Variants in FAM13A observed in about 807,000 individuals in gnomAD.
FAM13A encodes the protein family with sequence similarity 13 member A.
In FAM13A, 76 loss-of-function variants were observed where a neutral mutation model predicts 129.6. The observed-to-expected ratio is 0.59, with a 90% CI of 0.49 to 0.71. FAM13A has a LOEUF of 0.71. FAM13A is among the 30% of genes least tolerant of loss of function. The pLI is 0.00. For missense variants in FAM13A, 1,108 were observed against 1,249.3 expected (o/e 0.89, Z 1.70); for synonymous variants, 443 against 449.9 (o/e 0.98, Z 0.20).
At chr4:88,803,617 G>A (rs1389856179) in intron 8 of FAM13A, among the ~76,000 whole-genome samples, 1 of 152,142 alleles carries the variant, frequency 6.6e-6, no homozygotes, top group Non-Finnish European at 1.5e-5. Flanking sequence ...GCATCCTGAT[G>A]TGTTCACAGG....
intron 3 of FAM13A, among the ~76,000 whole-genome samples, chr4:89,017,098 G>A (rs1420761422): frequency 6.6e-6 from 1 of 152,118 alleles, no homozygotes; most frequent in Non-Finnish European, 1.5e-5. Flanking sequence ...TACAATCTAG[G>A]CTTGTGTAAG....
chr4:88,771,282 G>T (rs953001413), intron 11 of FAM13A, among the ~76,000 whole-genome samples: 1 of 151,902 alleles, frequency 6.6e-6, no homozygotes, highest in Non-Finnish European at 1.5e-5. Context: ...TTGGGGTTAG[G>T]GAGGAATGAT....
At chr4:88,879,284 T>C (rs979387281) in intron 6 of FAM13A, among the ~76,000 whole-genome samples, 6 of 152,198 alleles carry the variant, frequency 3.9e-5, no homozygotes, top group African/African-American at 1.2e-4. Context: ...CCCAATTATT[T>C]ACATCTATTA....
intron 6 of FAM13A, among the ~76,000 whole-genome samples, chr4:88,872,835 C>T (rs1288076935): frequency 6.6e-6 from 1 of 152,290 alleles, no homozygotes; most frequent in East Asian, 1.9e-4. Flanking sequence ...ACAGAATATA[C>T]ATTCTTCTCA....
At chr4:88,786,007 C>G (rs1723887291) in intron 10 of FAM13A, among the ~76,000 whole-genome samples, 2 of 152,118 alleles carry the variant, frequency 1.3e-5, no homozygotes, top group Admixed American at 1.3e-4. Flanking sequence ...GCTACCATTC[C>G]CCATCTCCTT....
At chr4:89,021,008 C>G (rs953951605) in intron 2 of FAM13A, among the ~76,000 whole-genome samples, 4 of 152,158 alleles carry the variant, frequency 2.6e-5, no homozygotes, top group African/African-American at 9.7e-5. Context: ...ACTCAGGGCT[C>G]TAACAGCAGC....
At chr4:88,819,448 CAG>C (rs1358741950) in intron 7 of FAM13A, among the ~76,000 whole-genome samples, 2 of 152,078 alleles carry the variant, frequency 1.3e-5, no homozygotes, top group Non-Finnish European at 2.9e-5. Context: ...AGCTATGACT[CAG>C]AGTTAAAATT....
intron 1 of FAM13A, among the ~76,000 whole-genome samples, chr4:89,037,580 T>C (rs1050513061): frequency 2.0e-5 from 3 of 152,206 alleles, no homozygotes; most frequent in African/African-American, 7.2e-5. Flanking sequence ...CTCGGGGGAC[T>C]GCTGAGAAGG....
chr4:88,764,794 G>A (rs1172593029), intron 13 of FAM13A, among the ~76,000 whole-genome samples: 1 of 151,974 alleles, frequency 6.6e-6, no homozygotes, highest in Non-Finnish European at 1.5e-5. Flanking sequence ...CTTTAATTTT[G>A]GACATTTCAA....
chr4:88,941,641 A>G (rs1294534216), intron 4 of FAM13A, among the ~76,000 whole-genome samples: 1 of 152,200 alleles, frequency 6.6e-6, no homozygotes, highest in Non-Finnish European at 1.5e-5. Flanking sequence ...CTCCTTGAGG[A>G]ACACAGAAAA....
intron 7 of FAM13A, among the ~76,000 whole-genome samples, chr4:88,833,511 A>C (rs867686548): frequency 4.5e-4 from 69 of 152,356 alleles, no homozygotes; most frequent in African/African-American, 1.6e-3. Flanking sequence ...TAGTCCTTAA[A>C]GTGTCAAACT....
At chr4:88,901,441 T>TG (rs1747288282) in intron 6 of FAM13A, among the ~76,000 whole-genome samples, 1 of 151,604 alleles carries the variant, frequency 6.6e-6, no homozygotes, top group Admixed American at 6.6e-5. Context: ...ATAACAGTCT[T>TG]TCAGACCACA....
intron 7 of FAM13A, among the ~76,000 whole-genome samples, chr4:88,806,606 C>T (rs1262997236): frequency 1.3e-5 from 2 of 152,130 alleles, no homozygotes; most frequent in African/African-American, 4.8e-5. Context: ...TTTCCAATTT[C>T]AACACTGATC....
chr4:88,834,987 T>C (rs1734575728), intron 7 of FAM13A, among the ~76,000 whole-genome samples: 1 of 152,202 alleles, frequency 6.6e-6, no homozygotes, highest in Admixed American at 6.5e-5. Flanking sequence ...TTTTACTTAT[T>C]TTGGTCTTGT....
chr4:88,816,965 G>A (rs1442506305), intron 7 of FAM13A, among the ~76,000 whole-genome samples: 1 of 152,128 alleles, frequency 6.6e-6, no homozygotes, highest in Non-Finnish European at 1.5e-5. Context: ...CAGCCAAAAG[G>A]TGGAAATAAC....
At chr4:88,770,408 G>GA (rs1214486535) in intron 11 of FAM13A, among the ~76,000 whole-genome samples, 1 of 152,108 alleles carries the variant, frequency 6.6e-6, no homozygotes, top group Non-Finnish European at 1.5e-5. Flanking sequence ...AATTCCAAAG[G>GA]AAAGCACAAC....
chr4:88,844,737 T>C (rs144654211), intron 7 of FAM13A, among the ~76,000 whole-genome samples: 1 of 152,218 alleles, frequency 6.6e-6, no homozygotes, highest in East Asian at 1.9e-4. Context: ...ATTATATAGT[T>C]CTGAGCAGGA....
rs534903138 is a variant in FAM13A at position 88,769,366 on chromosome 4, T to C, written c.1459-1307A>G. 3.3e-5 allele frequency among the ~76,000 whole-genome samples: 5 copies of C among 152,332 alleles called. No individual in the cohort carries two copies. The East Asian group carries it at 7.7e-4, about 23-fold the overall frequency. On this transcript the variant is annotated intron_variant, in intron 11 of 23. Coordinates refer to ENST00000264344, the MANE Select transcript of FAM13A (RefSeq NM_014883.4). ...AGAAACAAAGGGAGATAATATAACA[T>C]AGTAGTTATGACAGTGGCTCTGAAT...
At chr4:88,975,242 T>C (rs2704574) in intron 4 of FAM13A, among the ~76,000 whole-genome samples, 105,420 of 151,884 alleles carry the variant, frequency 0.69, 36,712 homozygotes, top group Middle Eastern at 0.8. Flanking sequence ...TTCCCCAAGA[T>C]TGAATCTCCA....
Sources: allele counts gnomAD v4.1 joint callset (sites outside exome capture counted in the v4.1 genomes callset), GRCh38; gene constraint gnomAD v4.1.1; transcripts MANE v1.5; gene names NCBI Gene and HGNC (gene_info 2026-07-23, HGNC 2026-07-21).